The following PRR27 variants were observed in gnomAD, a reference collection of about 807,000 sequenced individuals.
PRR27 encodes proline-rich protein 27.
A neutral mutation model predicts 16.8 loss-of-function variants in PRR27; 12 were observed. The ratio of observed to expected loss-of-function variants is 0.71; its 90% confidence interval spans 0.46 to 1.16. The LOEUF (loss-of-function observed/expected upper bound fraction) is 1.16, where lower values mean the gene tolerates loss of function less well. Among genes scored for constraint, PRR27 ranks in the 50% most tolerant of loss-of-function variants. The pLI, the probability that PRR27 is intolerant of heterozygous loss-of-function variation, is 0.00. For missense variants in PRR27, 277 were observed against 273.3 expected (o/e 1.01, Z -0.10); for synonymous variants, 100 against 98.4 (o/e 1.02, Z -0.10).
intron 2 of PRR27, among the ~76,000 whole-genome samples, chr4:70,157,945 T>C (rs1054482245): frequency 2.6e-5 from 4 of 151,618 alleles, no homozygotes; most frequent in Non-Finnish European, 1.5e-5. Flanking sequence ...ACCCAGAGAG[T>C]GCTGAGCGCA....
chr4:70,160,510 G>A (rs1166762118), intron 3 of PRR27, among the ~76,000 whole-genome samples: 1 of 144,486 alleles, frequency 6.9e-6, no homozygotes, highest in Non-Finnish European at 1.5e-5. Context: ...CTCACTCCAG[G>A]CAGTATGCTA....
At chr4:70,160,758 G>GT (rs1728627903) in intron 3 of PRR27, among the ~76,000 whole-genome samples, 1 of 149,532 alleles carries the variant, frequency 6.7e-6, no homozygotes, top group Non-Finnish European at 1.5e-5. Flanking sequence ...AAAAAAAAAT[G>GT]TAAGAAGCAG....
chr4:70,156,020 T>C, intron 1 of PRR27, 34 bp from the exon 2 acceptor site: 1 of 1,348,448 alleles, frequency 7.4e-7, no homozygotes. Flanking sequence ...TTCAAATACA[T>C]AACCGCATTA....
chr4:70,159,407 C>T (rs2109792472), intron 3 of PRR27, among the ~76,000 whole-genome samples: 2 of 152,154 alleles, frequency 1.3e-5, no homozygotes, highest in East Asian at 3.8e-4. Context: ...CAGATTTTAG[C>T]TTCCAAACTG....
At chr4:70,154,795 T>G in intron 1 of PRR27, 6 of 1,298,552 alleles carry the variant, frequency 4.6e-6, no homozygotes, top group Non-Finnish European at 6.0e-6. Context: ...GCTGGAGGTA[T>G]TTATGTACAG....
chr4:70,164,611 T>C lies in PRR27; in HGVS notation c.*1950T>C, dbSNP rs1456945855. The C allele has an allele frequency of 4.6e-5, 7 of 152,152 alleles. No homozygotes were observed. Among genetic ancestry groups the C allele is most frequent in the Non-Finnish European group, 7.4e-5 (5 of 67,996 alleles). The allele number at this position is 152,152 out of a possible 1,614,324, so 9.4% of individuals were successfully genotyped here. ...CATGCAATATTCACTTCTAAATATTTAATGATAAATTTGTAATCATACATG... is the reference window on the plus strand; with the variant it reads ...CATGCAATATTCACTTCTAAATATTCAATGATAAATTTGTAATCATACATG... On this transcript the variant is annotated 3_prime_UTR_variant, in exon 5 of 5. Transcript: ENST00000344526.
chr4:70,156,872 A>AT (rs67755220), intron 2 of PRR27, among the ~76,000 whole-genome samples: 35 of 151,814 alleles, frequency 2.3e-4, no homozygotes, highest in Admixed American at 9.2e-4. Context: ...ATTATTTTGA[A>AT]TTTTTTTTTG....
rs142405912 is a variant in PRR27, at chr4:70,158,746, G to C, written c.494G>C (p.Gly165Ala). Residue 165 changes from glycine to alanine, a missense_variant, in exon 3 of 5, where the codon GGA becomes GCA. By Grantham distance (60) the Gly-to-Ala change is moderately conservative. Coordinates refer to ENST00000344526, the MANE Select transcript of PRR27 (RefSeq NM_214711.4). ...GAGCCTGCTGCAGAGGCACCTGTTG[G>C]AGCTGAGCCTGCTGCAGAGGCACCT... ...AAEPAAEAPV[G>A]AEPAAEAPVA... 8,017 of 1,553,350 alleles carry C rather than the reference G, an allele frequency of 5.2e-3. 104 individuals are homozygous for C. Among genetic ancestry groups the C allele is most frequent in the Middle Eastern group, 7.4e-3 (44 of 5,908 alleles).
chr4:70,160,439 C>CTGTGTGTGTGTG lies in PRR27; in HGVS notation c.649-1146_649-1145insGTGTGTGTGTGT, dbSNP rs1408228186. ...TCTCTCTCTCTCTCTCTCTCTCTCT[C>CTGTGTGTGTGTG]TCTCTGTGTGTGTGTGTGTGTGTGT... On this transcript the variant is annotated intron_variant, in intron 3 of 4. Coordinates refer to ENST00000344526, the MANE Select transcript of PRR27 (RefSeq NM_214711.4). 7.1e-3 allele frequency among the ~76,000 whole-genome samples: 620 copies of CTGTGTGTGTGTG among 87,246 alleles called. 2 individuals are homozygous for CTGTGTGTGTGTG. Among genetic ancestry groups the CTGTGTGTGTGTG allele is most frequent in the Middle Eastern group, 0.034 (4 of 118 alleles). 57.2% of individuals were successfully genotyped at this position (87,246 alleles called of 152,430 possible). A position where few individuals can be genotyped will look rare whatever the true frequency, so the allele number is the denominator to read the frequency against.
intron 3 of PRR27, 63 bp downstream of exon 3, chr4:70,158,963 A>C: frequency 6.9e-7 from 1 of 1,445,116 alleles, no homozygotes; most frequent in South Asian, 1.3e-5. Flanking sequence ...AGGGGAAAAA[A>C]AAAAACCACT....
chr4:70,164,414 A>G lies in PRR27; in HGVS notation c.*1753A>G, dbSNP rs990165143. 3 of 152,182 alleles carry G rather than the reference A, an allele frequency of 2.0e-5. No individual in the cohort carries two copies. The highest frequency in any genetic ancestry group is 2.0e-4 in the Admixed American group (3 of 15,270). 9.4% of individuals were successfully genotyped at this position (152,182 alleles called of 1,614,324 possible). On this transcript the variant is annotated 3_prime_UTR_variant, in exon 5 of 5. Transcript: ENST00000344526. ...ATATCCTACATTGGATCAGAATATT[A>G]CTGTTATGTATAGCCATGAGGACAT...
rs1002563734 is a variant in PRR27, at chr4:70,162,882, G to A, written c.*221G>A. ...ATAAAATAGATAATTTAGACCAATG[G>A]TGATAAGGTCTGGATGAAAACTACG... On this transcript the variant is annotated 3_prime_UTR_variant, in exon 5 of 5. Transcript: ENST00000344526. The A allele has an allele frequency of 3.3e-5, 5 of 152,110 alleles. No individual in the cohort carries two copies. Among genetic ancestry groups the A allele is most frequent in the Admixed American group, 3.3e-4 (5 of 15,276 alleles). The allele number at this position is 152,110 out of a possible 1,614,324, so 9.4% of individuals were successfully genotyped here.
chr4:70,158,524 G>C lies in PRR27; in HGVS notation c.272G>C (p.Arg91Pro). 1.2e-6 allele frequency: 2 copies of C among 1,614,066 alleles called. No individual in the cohort carries two copies. The highest frequency in any genetic ancestry group is 1.7e-6 in the Non-Finnish European group (2 of 1,179,982). The change falls in exon 3 of 5, where the codon CGT (arginine) becomes CCT (proline). Residue 91 changes from arginine (R) to proline (P), a missense_variant. Arg to Pro is a moderately radical substitution (Grantham distance 103, BLOSUM62 -2). Transcript: ENST00000344526. ...SPGFPYVYHI[R>P]GFPLATQLNV... Reference sequence around the variant, plus strand: ...GGATTCCCCTATGTCTATCACATCCGTGGTTTTCCCTTAGCTACTCAGTTG... The same window carrying C: ...GGATTCCCCTATGTCTATCACATCCCTGGTTTTCCCTTAGCTACTCAGTTG...
intron 3 of PRR27, among the ~76,000 whole-genome samples, chr4:70,160,569 C>T (rs1371994768): frequency 2.0e-5 from 3 of 151,694 alleles, no homozygotes; most frequent in Admixed American, 6.6e-5. Flanking sequence ...TTAGTGATTA[C>T]TATTTTACAC....
At chr4:70,154,534 A>T in intron 1 of PRR27, 108 bp downstream of exon 1, 1 of 950,042 alleles carries the variant, frequency 1.1e-6, no homozygotes, top group Non-Finnish European at 1.7e-6. Context: ...ATAAAGCAGC[A>T]GAGAGACATA....
intron 3 of PRR27, among the ~76,000 whole-genome samples, chr4:70,160,956 G>T (rs1728631182): frequency 6.6e-6 from 1 of 151,878 alleles, no homozygotes; most frequent in Non-Finnish European, 1.5e-5. Context: ...TCTAGTAGTT[G>T]TTACCTAGAA....
chr4:70,161,544 T>C (rs1461345457), intron 3 of PRR27, 42 bp from the exon 4 acceptor site: 5 of 1,302,740 alleles, frequency 3.8e-6, no homozygotes, highest in South Asian at 1.3e-5. Flanking sequence ...ATAAAGTACA[T>C]TTGATTGTTT....
At chr4:70,159,887 G>C (rs1244417212) in intron 3 of PRR27, among the ~76,000 whole-genome samples, 1 of 152,110 alleles carries the variant, frequency 6.6e-6, no homozygotes, top group East Asian at 1.9e-4. Context: ...GTGGGATCAA[G>C]AACTTTTTCC....
chr4:70,159,329 G>A (rs1042124220), intron 3 of PRR27, among the ~76,000 whole-genome samples: 1 of 152,070 alleles, frequency 6.6e-6, no homozygotes, highest in African/African-American at 2.4e-5. Context: ...CTAATAGTTT[G>A]GTTCTTTGCA....
Sources: allele counts gnomAD v4.1 joint callset (sites outside exome capture counted in the v4.1 genomes callset), GRCh38; gene constraint gnomAD v4.1.1; transcripts MANE v1.5; gene names NCBI Gene and HGNC (gene_info 2026-07-23, HGNC 2026-07-21).